SNTG1: variants seen among roughly 807,000 people sequenced by gnomAD.
SNTG1 encodes syntrophin gamma 1.
A neutral mutation model predicts 74.7 loss-of-function variants in SNTG1; 39 were observed. That is an observed-to-expected ratio of 0.52 (90% confidence interval 0.40 to 0.68). The LOEUF is 0.68. Among genes scored for constraint, SNTG1 ranks in the 30% least tolerant of loss-of-function variants. The probability of loss-of-function intolerance (pLI) is 0.00; values close to 1 mark genes in which losing one functional copy is unlikely to be tolerated. For synonymous variants in SNTG1, 254 were observed against 217.1 expected (o/e 1.17, Z -1.49); for missense variants, 685 against 609.5 (o/e 1.12, Z -1.30).
chr8:50,259,412 T>A (rs2087043237), intron 2 of SNTG1, among the ~76,000 whole-genome samples: 1 of 149,780 alleles, frequency 6.7e-6, no homozygotes, highest in African/African-American at 2.5e-5. Flanking sequence ...GGCAGGAGAA[T>A]CACTTGAACC....
intron 2 of SNTG1, among the ~76,000 whole-genome samples, chr8:50,218,561 T>C (rs2084908029): frequency 1.3e-5 from 2 of 152,138 alleles, no homozygotes; most frequent in Admixed American, 1.3e-4. Context: ...CTATGTTTTT[T>C]TTTCAGTATA....
At chr8:50,227,976 G>A (rs189282488) in intron 2 of SNTG1, among the ~76,000 whole-genome samples, 31 of 144,006 alleles carry the variant, frequency 2.2e-4, no homozygotes, top group Admixed American at 4.8e-4. Flanking sequence ...AGTCTGAAGA[G>A]ACAAATCAAA....
intron 8 of SNTG1, among the ~76,000 whole-genome samples, chr8:50,494,407 C>A (rs956645601): frequency 9.2e-5 from 14 of 151,768 alleles, no homozygotes; most frequent in Non-Finnish European, 1.5e-5. Flanking sequence ...TTTTAATTTT[C>A]ATTTAAATTT....
At chr8:50,691,402 T>A (rs527776769) in intron 15 of SNTG1, among the ~76,000 whole-genome samples, 1 of 152,334 alleles carries the variant, frequency 6.6e-6, no homozygotes, top group African/African-American at 2.4e-5. Flanking sequence ...GTTCCTTTCC[T>A]TGTTTAGTGC....
At chr8:50,383,085 G>T (rs199856694) in intron 2 of SNTG1, among the ~76,000 whole-genome samples, 1 of 152,212 alleles carries the variant, frequency 6.6e-6, no homozygotes, top group East Asian at 1.9e-4. Context: ...AGATTAATGC[G>T]CAATTAAATA....
chr8:50,490,232 C>T (rs2093838825), intron 8 of SNTG1, among the ~76,000 whole-genome samples: 1 of 152,066 alleles, frequency 6.6e-6, no homozygotes, highest in Non-Finnish European at 1.5e-5. Flanking sequence ...TCTTTTTGCT[C>T]AGGATCGCTT....
chr8:50,578,224 C>T (rs2094587859), intron 12 of SNTG1, among the ~76,000 whole-genome samples: 1 of 152,172 alleles, frequency 6.6e-6, no homozygotes, highest in South Asian at 2.1e-4. Context: ...ACCAGACATT[C>T]TTTCTGAGTC....
chr8:50,586,351 C>A (rs2094648042), intron 12 of SNTG1, among the ~76,000 whole-genome samples: 1 of 152,136 alleles, frequency 6.6e-6, no homozygotes, highest in Admixed American at 6.5e-5. Flanking sequence ...AATGATCTGT[C>A]TGAGGATATT....
At chr8:50,641,086 C>G (rs1347865849) in intron 13 of SNTG1, among the ~76,000 whole-genome samples, 1 of 152,170 alleles carries the variant, frequency 6.6e-6, no homozygotes, top group Non-Finnish European at 1.5e-5. Flanking sequence ...CTGCTATATG[C>G]CTGAACTCAT....
At chr8:50,635,379 G>T in intron 13 of SNTG1, among the ~76,000 whole-genome samples, 1 of 152,156 alleles carries the variant, frequency 6.6e-6, no homozygotes, top group East Asian at 1.9e-4. Flanking sequence ...CTTAGGGGCA[G>T]TGAGTTTTTT....
rs184323471 is a variant in SNTG1, at chr8:50,198,343, G to T, written c.-28+25708G>T. On this transcript the variant is annotated intron_variant, in intron 2 of 18. Coordinates refer to ENST00000642720, the MANE Select transcript of SNTG1 (RefSeq NM_018967.5). ...TGCTAATAGCGTTTTTCCTTTCCTG[G>T]TTTTATCATGCCACACCATCAGTTT... is the stretch of plus-strand genomic sequence containing the variant. Among the ~76,000 whole-genome samples the T allele has an allele frequency of 1.5e-3, 231 of 152,250 alleles. 2 individuals are homozygous for T. The highest frequency in any genetic ancestry group is 5.1e-3 in the African/African-American group (212 of 41,560).
At chr8:50,139,189 T>G (rs7840943) in intron 1 of SNTG1, among the ~76,000 whole-genome samples, 61 of 152,302 alleles carry the variant, frequency 4.0e-4, no homozygotes, top group African/African-American at 1.4e-3. Context: ...AATTCTGACT[T>G]TTGGCATATA....
At chr8:50,008,083 A>G (rs983188721) in intron 1 of SNTG1, among the ~76,000 whole-genome samples, 3 of 152,284 alleles carry the variant, frequency 2.0e-5, no homozygotes, top group African/African-American at 7.2e-5. Context: ...TTACAATTCA[A>G]GATGAGATTT....
At chr8:50,552,502 T>C (rs1172528655) in intron 11 of SNTG1, among the ~76,000 whole-genome samples, 1 of 152,208 alleles carries the variant, frequency 6.6e-6, no homozygotes, top group Non-Finnish European at 1.5e-5. Flanking sequence ...AAAGAAGGTA[T>C]GAACCTCTTG....
At chr8:50,076,969 C>G (rs139024471) in intron 1 of SNTG1, among the ~76,000 whole-genome samples, 1 of 152,234 alleles carries the variant, frequency 6.6e-6, no homozygotes, top group Non-Finnish European at 1.5e-5. Context: ...GTCAGTGACA[C>G]AAACTTTTCA....
At chr8:50,387,981 G>A (rs1320563654) in intron 2 of SNTG1, among the ~76,000 whole-genome samples, 1 of 152,068 alleles carries the variant, frequency 6.6e-6, no homozygotes, top group Non-Finnish European at 1.5e-5. Flanking sequence ...AATATTCAGG[G>A]TCCTGTTTTT....
chr8:50,712,204 A>G (rs553918697), intron 17 of SNTG1, among the ~76,000 whole-genome samples: 2 of 152,284 alleles, frequency 1.3e-5, no homozygotes, highest in South Asian at 4.1e-4. Flanking sequence ...GGATGAAACT[A>G]TCCAGACAGA....
At chr8:50,250,360 A>G (rs1462398593) in intron 2 of SNTG1, among the ~76,000 whole-genome samples, 1 of 152,136 alleles carries the variant, frequency 6.6e-6, no homozygotes, top group Non-Finnish European at 1.5e-5. Context: ...TTCACATTAT[A>G]CAAGTGCCAC....
chr8:50,646,662 T>G (rs1188034340), intron 13 of SNTG1, among the ~76,000 whole-genome samples: 1 of 152,134 alleles, frequency 6.6e-6, no homozygotes, highest in East Asian at 1.9e-4. Flanking sequence ...TTCCAAAAAC[T>G]AGGGACAAAT....
Sources: gnomAD v4.1 joint callset for allele counts (sites outside exome capture counted in the v4.1 genomes callset) on GRCh38, gnomAD v4.1.1 for gene constraint, MANE v1.5 for transcripts, NCBI Gene and HGNC (gene_info 2026-07-23, HGNC 2026-07-21) for gene names.